The following TTC23 variants were observed in gnomAD, a reference collection of about 807,000 sequenced individuals.
The protein encoded by TTC23 is tetratricopeptide repeat protein 23.
In TTC23, 58 loss-of-function variants were observed where a neutral mutation model predicts 55.1. The ratio of observed to expected loss-of-function variants is 1.05; its 90% CI spans 0.85 to 1.31. TTC23 has a LOEUF of 1.31. TTC23 is among the 50% of genes most tolerant of loss of function. The pLI is 0.00. For synonymous variants in TTC23, 203 were observed against 199.9 expected (o/e 1.02, Z -0.13); for missense variants, 516 against 534.4 (o/e 0.97, Z 0.34).
At chr15:99,223,588 G>A (rs2078131125) in intron 5 of TTC23, among the ~76,000 whole-genome samples, 1 of 152,216 alleles carries the variant, frequency 6.6e-6, no homozygotes, top group Non-Finnish European at 1.5e-5. Context: ...CACAGCATCT[G>A]TGGAATTTTG....
chr15:99,172,413 A>T (rs2073066299), intron 10 of TTC23, among the ~76,000 whole-genome samples: 1 of 151,888 alleles, frequency 6.6e-6, no homozygotes, highest in African/African-American at 2.4e-5. Flanking sequence ...TCCCATTGGC[A>T]CTCCAAACCC....
At position 99,136,921 on chromosome 15, in the gene TTC23, C is replaced by T. The variant is rs1193422549; in HGVS notation, c.*1089G>A. On this transcript the variant is annotated 3_prime_UTR_variant, in exon 14 of 14. Coordinates refer to ENST00000394132, the MANE Select transcript of TTC23 (RefSeq NM_001288615.3). ...GTGGCTCTACTGAGTTTATTTTCCC[C>T]ATCAATACTGGAGGTGGTGCCCTGC... The T allele has an allele frequency of 9.8e-5, 15 of 152,346 alleles. No individual in the cohort carries two copies. The highest frequency in any genetic ancestry group is 9.2e-4 in the Admixed American group (14 of 15,288). The allele number at this position is 152,346 out of a possible 1,614,324, so 9.4% of individuals were successfully genotyped here.
chr15:99,239,981 C>T (rs1404409394), intron 3 of TTC23, among the ~76,000 whole-genome samples: 1 of 152,324 alleles, frequency 6.6e-6, no homozygotes, highest in South Asian at 2.1e-4. Flanking sequence ...CCCTGGTCTT[C>T]TCATAATTTG....
intron 12 of TTC23, among the ~76,000 whole-genome samples, chr15:99,147,206 T>C (rs10902539): frequency 0.8 from 116,714 of 146,798 alleles, 46,903 homozygotes; most frequent in African/African-American, 0.92. Flanking sequence ...GCCACAGCGC[T>C]GGGCCTCCAA....
At chr15:99,242,304 A>C (rs988234929) in intron 2 of TTC23, among the ~76,000 whole-genome samples, 2 of 152,092 alleles carry the variant, frequency 1.3e-5, no homozygotes, top group African/African-American at 4.8e-5. Context: ...ATAACAGAAA[A>C]ATAGAAAATC....
intron 8 of TTC23, among the ~76,000 whole-genome samples, chr15:99,210,823 T>C (rs2076983068): frequency 1.3e-5 from 2 of 152,170 alleles, no homozygotes; most frequent in African/African-American, 2.4e-5. Flanking sequence ...CTGGGAAGCA[T>C]TTCTGGAGCA....
rs2076781396 is a variant in TTC23 at position 99,208,287 on chromosome 15, A to G, written c.582-8191T>C. Among the ~76,000 whole-genome samples the G allele has an allele frequency of 2.0e-5, 3 of 152,154 alleles. No homozygotes were observed. The South Asian group carries it at 6.2e-4, about 31-fold the overall frequency. ...ACACACATATATATATGCTATACAT[A>G]TACACAGTAAAGGTACAAAAACATT... On this transcript the variant is annotated intron_variant, in intron 8 of 13. Transcript: ENST00000394132.
intron 10 of TTC23, 75 bp downstream of exon 10, chr15:99,174,975 T>C: frequency 7.5e-7 from 1 of 1,339,566 alleles, no homozygotes. Context: ...TGTCCACCTG[T>C]TAACCCATCT....
At chr15:99,226,905 G>C (rs1189612352) in intron 5 of TTC23, among the ~76,000 whole-genome samples, 1 of 152,186 alleles carries the variant, frequency 6.6e-6, no homozygotes, top group Non-Finnish European at 1.5e-5. Context: ...AGGTCCATCA[G>C]GGTATGCACC....
chr15:99,186,808 CTAAG>C (rs1173554447), intron 9 of TTC23, among the ~76,000 whole-genome samples: 1 of 152,004 alleles, frequency 6.6e-6, no homozygotes, highest in East Asian at 1.9e-4. Context: ...GAAAGAAGAG[CTAAG>C]TAAATAGATA....
In TTC23 at chr15:99,200,721, G is replaced by A. The variant is rs111302353; in HGVS notation, c.582-625C>T. Reference sequence around the variant, plus strand: ...TACAATTTTGCGAATTCCAATTCTAGGAATTTATCTTGAAGTGATACTCTG... The same window carrying A: ...TACAATTTTGCGAATTCCAATTCTAAGAATTTATCTTGAAGTGATACTCTG... On this transcript the variant is annotated intron_variant, in intron 8 of 13. Transcript: ENST00000394132. 1.6e-3 allele frequency among the ~76,000 whole-genome samples: 249 copies of A among 152,190 alleles called. 1 individual carries two copies. The highest frequency in any genetic ancestry group is 5.7e-3 in the African/African-American group (238 of 41,512).
intron 9 of TTC23, among the ~76,000 whole-genome samples, chr15:99,181,727 C>A (rs2074134681): frequency 6.6e-6 from 1 of 152,134 alleles, no homozygotes; most frequent in African/African-American, 2.4e-5. Context: ...TGGCCACACA[C>A]CCCTTGGAGG....
At chr15:99,159,441 A>C (rs2071056095) in intron 11 of TTC23, 1 of 152,266 alleles carries the variant, frequency 6.6e-6, no homozygotes, top group African/African-American at 2.4e-5. Context: ...GGATTCTCTA[A>C]GGAAGAATAA....
upstream of TTC23, among the ~76,000 whole-genome samples, chr15:99,250,693 T>C (rs893825022): frequency 9.8e-5 from 15 of 152,358 alleles, no homozygotes; most frequent in Non-Finnish European, 2.1e-4. Context: ...AAATACATAT[T>C]GACGGCCTAC....
chr15:99,224,138 T>C (rs993116726), intron 5 of TTC23, among the ~76,000 whole-genome samples: 6 of 152,224 alleles, frequency 3.9e-5, no homozygotes, highest in African/African-American at 1.2e-4. Context: ...TTTTGTGACC[T>C]AGCAGGAGGA....
intron 10 of TTC23, among the ~76,000 whole-genome samples, chr15:99,168,849 T>A (rs1326349871): frequency 1.3e-5 from 2 of 152,154 alleles, no homozygotes; most frequent in African/African-American, 4.8e-5. Flanking sequence ...CTCAGAGCCC[T>A]GCACCCTCAG....
At chr15:99,150,360 T>A (rs2069542024) in intron 12 of TTC23, among the ~76,000 whole-genome samples, 1 of 152,234 alleles carries the variant, frequency 6.6e-6, no homozygotes, top group Non-Finnish European at 1.5e-5. Flanking sequence ...TGTGCCCTGC[T>A]TATTAGCATT....
At chr15:99,189,377 T>C (rs1021917326) in intron 9 of TTC23, among the ~76,000 whole-genome samples, 6 of 152,180 alleles carry the variant, frequency 3.9e-5, no homozygotes, top group Admixed American at 6.5e-5. Flanking sequence ...GATTCATCAA[T>C]AGATGTGTTA....
At chr15:99,145,602 CAG>C (rs2068755790) in intron 12 of TTC23, among the ~76,000 whole-genome samples, 1 of 151,866 alleles carries the variant, frequency 6.6e-6, no homozygotes, top group South Asian at 2.1e-4. Context: ...GGTGGGCTCA[CAG>C]GGAGAAGGAA....
Sources: allele counts gnomAD v4.1 joint callset (sites outside exome capture counted in the v4.1 genomes callset), GRCh38; gene constraint gnomAD v4.1.1; transcripts MANE v1.5; gene names NCBI Gene and HGNC (gene_info 2026-07-23, HGNC 2026-07-21).